Variants in IGF2BP3 observed in about 807,000 individuals in gnomAD.
The protein encoded by IGF2BP3 is insulin-like growth factor 2 mRNA-binding protein 3.
A neutral mutation model predicts 73.8 loss-of-function variants in IGF2BP3; 9 were observed. The ratio of observed to expected loss-of-function variants is 0.12; its 90% CI spans 0.07 to 0.21. IGF2BP3 has a LOEUF of 0.21. IGF2BP3 is among the 10% of genes least tolerant of loss of function. IGF2BP3 has a pLI of 1.00. For synonymous variants in IGF2BP3, 258 were observed against 256.7 expected, an observed-to-expected ratio of 1.01 and a Z score of -0.05; for missense variants, 542 against 714.0, an observed-to-expected ratio of 0.76 and a Z score of 2.75.
At chr7:23,339,827 T>C (rs1784663741) in intron 10 of IGF2BP3, among the ~76,000 whole-genome samples, 1 of 152,198 alleles carries the variant, frequency 6.6e-6, no homozygotes, top group South Asian at 2.1e-4. Context: ...TACAGAAGTG[T>C]TGGGGACACA....
intron 3 of IGF2BP3, among the ~76,000 whole-genome samples, chr7:23,394,262 T>A (rs969785355): frequency 6.6e-6 from 1 of 151,910 alleles, no homozygotes; most frequent in Non-Finnish European, 1.5e-5. Context: ...AGCCCAGGAG[T>A]TGGAGACCGG....
intron 2 of IGF2BP3, among the ~76,000 whole-genome samples, chr7:23,440,257 G>A (rs1467293397): frequency 7.8e-6 from 1 of 128,388 alleles, no homozygotes; most frequent in Non-Finnish European, 1.6e-5. Context: ...AGCAGAAATT[G>A]TTTAGTTATT....
At chr7:23,366,988 CTT>C (rs397942338) in intron 3 of IGF2BP3, among the ~76,000 whole-genome samples, 66 of 116,098 alleles carry the variant, frequency 5.7e-4, no homozygotes, top group Admixed American at 7.0e-4. Context: ...TCACATTTTG[CTT>C]TTTTTTTTTT....
At chr7:23,382,611 T>C (rs958315353) in intron 3 of IGF2BP3, among the ~76,000 whole-genome samples, 17 of 151,932 alleles carry the variant, frequency 1.1e-4, no homozygotes, top group African/African-American at 3.9e-4. Context: ...TCAATAACTA[T>C]CCTCCTACCA....
At position 23,347,724 on chromosome 7, in the gene IGF2BP3, G is replaced by T; in HGVS notation, c.694C>A (p.His232Asn). 6.2e-7 allele frequency: 1 copy of T among 1,614,042 alleles called. No homozygotes were observed. The highest frequency in any genetic ancestry group is 8.5e-7 in the Non-Finnish European group (1 of 1,180,010). Residue 232 changes from histidine (H) to asparagine (N), a missense_variant, in exon 7 of 15, where the codon CAC becomes AAC. This residue lies in a region of IGF2BP3 where 303 missense variants were observed against 472.1 expected (regional missense o/e 0.64). Transcript: ENST00000258729. Reference sequence around the variant, plus strand: ...GCAGCCCCCGCATTTTCTTTACGGTGGACATCGATTCTGATAGTGGGCGCA... The same window carrying T: ...GCAGCCCCCGCATTTTCTTTACGGTTGACATCGATTCTGATAGTGGGCGCA... ...TKQTQSKIDVHRKENAGAAEK... is the reference protein window; with the variant it reads ...TKQTQSKIDVNRKENAGAAEK...
intron 2 of IGF2BP3, among the ~76,000 whole-genome samples, chr7:23,419,098 T>C (rs996513472): frequency 6.6e-6 from 1 of 152,234 alleles, no homozygotes; most frequent in Non-Finnish European, 1.5e-5. Flanking sequence ...CACACTTATC[T>C]GATGACTACA....
At chr7:23,346,242 G>GA (rs1784825361) in intron 7 of IGF2BP3, 180 bp from the exon 8 acceptor site, 7 of 549,432 alleles carry the variant, frequency 1.3e-5, no homozygotes, top group East Asian at 3.1e-5. Context: ...TAGAAGGGGA[G>GA]AAAAAATACA....
chr7:23,384,406 A>T (rs1044306276), intron 3 of IGF2BP3, among the ~76,000 whole-genome samples: 4 of 152,158 alleles, frequency 2.6e-5, no homozygotes, highest in African/African-American at 9.7e-5. Context: ...ATACACTAAA[A>T]ACCACTGATT....
At position 23,443,345 on chromosome 7, in the gene IGF2BP3, G is replaced by C. The variant is rs151162437; in HGVS notation, c.237-24521C>G. On this transcript the variant is annotated intron_variant, in intron 2 of 14. Coordinates refer to ENST00000258729, the MANE Select transcript of IGF2BP3 (RefSeq NM_006547.3). ...TCTTCATGTTGATCAGGCTGGTCTCGAACTCCCGACCTCAGGTGATTCACC... is the reference window on the plus strand; with the variant it reads ...TCTTCATGTTGATCAGGCTGGTCTCCAACTCCCGACCTCAGGTGATTCACC... 6.2e-3 allele frequency among the ~76,000 whole-genome samples: 944 copies of C among 151,968 alleles called. 6 individuals carry two copies. Among genetic ancestry groups the C allele is most frequent in the African/African-American group, 0.022 (911 of 41,486 alleles).
At chr7:23,359,892 A>G (rs1306568381) in intron 5 of IGF2BP3, among the ~76,000 whole-genome samples, 1 of 152,110 alleles carries the variant, frequency 6.6e-6, no homozygotes, top group Non-Finnish European at 1.5e-5. Flanking sequence ...AAGAAAAATA[A>G]ATTTGTTTTA....
chr7:23,412,577 C>T (rs1287838312), intron 3 of IGF2BP3, among the ~76,000 whole-genome samples: 1 of 152,118 alleles, frequency 6.6e-6, no homozygotes, highest in Non-Finnish European at 1.5e-5. Context: ...GGCTGTTTCC[C>T]CACACAGTAA....
chr7:23,316,554 A>G (rs957610383), intron 12 of IGF2BP3, among the ~76,000 whole-genome samples: 12 of 152,014 alleles, frequency 7.9e-5, no homozygotes, highest in African/African-American at 2.2e-4. Context: ...ACATGCCTGT[A>G]ATCCCAGCTA....
intron 2 of IGF2BP3, among the ~76,000 whole-genome samples, chr7:23,424,270 C>T (rs11981939): frequency 4.0e-5 from 6 of 150,830 alleles, no homozygotes; most frequent in Non-Finnish European, 8.9e-5. Context: ...AGGCTGAGGT[C>T]GGGGGAATCA....
chr7:23,327,080 T>A (rs866257296), intron 10 of IGF2BP3, among the ~76,000 whole-genome samples: 2,089 of 147,892 alleles, frequency 0.014, 27 homozygotes, highest in African/African-American at 0.035. Flanking sequence ...ATAAATTAAT[T>A]AATTAATTAA....
chr7:23,465,936 G>T lies in IGF2BP3; in HGVS notation c.236+2546C>A, dbSNP rs74640123. Among the ~76,000 whole-genome samples, 27 of 152,038 alleles carry T rather than the reference G, an allele frequency of 1.8e-4. 1 individual carries two copies. The East Asian group carries it at 5.2e-3, about 29-fold the overall frequency. ...GCTTCCAGAGCCTATGAAAATGGTGGAACAGTCCAGATATAGGAAACTGCA... is the reference window on the plus strand; with the variant it reads ...GCTTCCAGAGCCTATGAAAATGGTGTAACAGTCCAGATATAGGAAACTGCA... On this transcript the variant is annotated intron_variant, in intron 2 of 14. Coordinates refer to ENST00000258729, the MANE Select transcript of IGF2BP3 (RefSeq NM_006547.3).
chr7:23,423,604 A>G (rs1787411888), intron 2 of IGF2BP3, among the ~76,000 whole-genome samples: 1 of 152,190 alleles, frequency 6.6e-6, no homozygotes, highest in Non-Finnish European at 1.5e-5. Context: ...GAGCCTGAAC[A>G]GTGCTTGGCA....
At chr7:23,411,683 C>G (rs1203056736) in intron 3 of IGF2BP3, among the ~76,000 whole-genome samples, 4 of 152,188 alleles carry the variant, frequency 2.6e-5, no homozygotes, top group Admixed American at 2.0e-4. Context: ...AAACAATCAG[C>G]AGTTGGACAG....
At chr7:23,391,171 C>T (rs577921600) in intron 3 of IGF2BP3, among the ~76,000 whole-genome samples, 66 of 148,520 alleles carry the variant, frequency 4.4e-4, no homozygotes, top group African/African-American at 1.5e-3. Flanking sequence ...ACGATCTTGG[C>T]TCACTGCAAC....
At chr7:23,442,491 G>C (rs530153789) in intron 2 of IGF2BP3, among the ~76,000 whole-genome samples, 5 of 152,006 alleles carry the variant, frequency 3.3e-5, no homozygotes, top group African/African-American at 1.2e-4. Flanking sequence ...ACCGTCGCCC[G>C]GGTTCAAGCA....
Sources: allele counts gnomAD v4.1 joint callset (sites outside exome capture counted in the v4.1 genomes callset), GRCh38; gene constraint gnomAD v4.1.1; regional missense constraint gnomAD v4.1.1; transcripts MANE v1.5; gene names NCBI Gene and HGNC (gene_info 2026-07-23, HGNC 2026-07-21).